Variants in NMNAT3 observed in about 807,000 individuals in gnomAD.
The protein encoded by NMNAT3 is nicotinamide/nicotinic acid mononucleotide adenylyltransferase 3.
Under a neutral mutation model 24.8 loss-of-function variants are expected in NMNAT3, and 21 were observed. That is an observed-to-expected ratio of 0.85 (90% CI 0.60 to 1.22). NMNAT3 has a LOEUF of 1.22. NMNAT3 is among the 50% of genes most tolerant of loss of function. NMNAT3 has a pLI of 0.00. For missense variants in NMNAT3, 387 were observed against 436.6 expected (o/e 0.89, Z 1.01); for synonymous variants, 136 against 155.2 (o/e 0.88, Z 0.92).
At chr3:139,618,168 C>T (rs1358272231) in intron 3 of NMNAT3, among the ~76,000 whole-genome samples, 2 of 152,176 alleles carry the variant, frequency 1.3e-5, no homozygotes, top group Non-Finnish European at 2.9e-5. Flanking sequence ...ATATCTAATT[C>T]CCAAACATTC....
chr3:139,662,547 T>C (rs1338869584), intron 1 of NMNAT3, among the ~76,000 whole-genome samples: 1 of 152,104 alleles, frequency 6.6e-6, no homozygotes, highest in African/African-American at 2.4e-5. Flanking sequence ...AGGCAGAAGC[T>C]CAGGGGTCAA....
intron 3 of NMNAT3, among the ~76,000 whole-genome samples, chr3:139,598,670 C>A (rs1284025424): frequency 1.3e-5 from 2 of 152,048 alleles, no homozygotes; most frequent in African/African-American, 2.4e-5. Flanking sequence ...AATTCCTGAC[C>A]CACTGAATCT....
intron 2 of NMNAT3, among the ~76,000 whole-genome samples, chr3:139,632,486 C>T (rs755896798): frequency 6.6e-6 from 1 of 152,242 alleles, no homozygotes; most frequent in Non-Finnish European, 1.5e-5. Context: ...CAGACAATTC[C>T]TTCCAGATTT....
At chr3:139,664,601 C>G (rs1216331945) in intron 1 of NMNAT3, among the ~76,000 whole-genome samples, 1 of 152,190 alleles carries the variant, frequency 6.6e-6, no homozygotes, top group African/African-American at 2.4e-5. Context: ...GGTGAGATTC[C>G]TAGCACCATC....
chr3:139,563,651 C>T (rs1340698793), intron 6 of NMNAT3, among the ~76,000 whole-genome samples: 7 of 152,276 alleles, frequency 4.6e-5, no homozygotes, highest in Middle Eastern at 6.8e-3. Context: ...TATTTCATGA[C>T]GACAATACCA....
intron 1 of NMNAT3, among the ~76,000 whole-genome samples, chr3:139,659,558 C>A (rs2057349846): frequency 6.6e-6 from 1 of 152,142 alleles, no homozygotes; most frequent in African/African-American, 2.4e-5. Flanking sequence ...GTTTACATAA[C>A]AGAAAAACTG....
At chr3:139,591,129 A>C (rs1034043643) in intron 3 of NMNAT3, among the ~76,000 whole-genome samples, 2 of 151,042 alleles carry the variant, frequency 1.3e-5, no homozygotes, top group African/African-American at 2.4e-5. Flanking sequence ...GCGCGAGCCG[A>C]AGCAGGGCGA....
At chr3:139,646,152 T>A (rs1204668015) in intron 1 of NMNAT3, among the ~76,000 whole-genome samples, 5 of 152,178 alleles carry the variant, frequency 3.3e-5, no homozygotes, top group African/African-American at 1.2e-4. Context: ...CTACTTGAGT[T>A]TTAAAAAACC....
intron 1 of NMNAT3, among the ~76,000 whole-genome samples, chr3:139,670,663 C>G (rs2057728376): frequency 6.6e-6 from 1 of 152,230 alleles, no homozygotes; most frequent in African/African-American, 2.4e-5. Context: ...GCAGTACACA[C>G]ATAATATCCA....
intron 1 of NMNAT3, among the ~76,000 whole-genome samples, chr3:139,667,430 T>C (rs927355067): frequency 1.3e-5 from 2 of 152,248 alleles, no homozygotes; most frequent in African/African-American, 4.8e-5. Flanking sequence ...TTCGGATCAT[T>C]TGCACATTTA....
At chr3:139,636,902 A>G (rs930548829) in intron 2 of NMNAT3, 2 of 152,236 alleles carry the variant, frequency 1.3e-5, no homozygotes, top group African/African-American at 4.8e-5. Context: ...CAGAAAGAAC[A>G]TGAGGGCAAG....
chr3:139,585,175 A>G (rs1427318039), intron 3 of NMNAT3, among the ~76,000 whole-genome samples: 13 of 152,160 alleles, frequency 8.5e-5, no homozygotes, highest in African/African-American at 3.1e-4. Context: ...GTAATTGGCA[A>G]TTGTGGGGTG....
intron 3 of NMNAT3, among the ~76,000 whole-genome samples, chr3:139,598,164 G>A (rs888123484): frequency 1.3e-5 from 2 of 152,314 alleles, no homozygotes; most frequent in East Asian, 3.9e-4. Context: ...AGGCTCACTA[G>A]AGGAGAGAAT....
chr3:139,643,996 A>G (rs1671759912), intron 1 of NMNAT3, among the ~76,000 whole-genome samples: 1 of 152,110 alleles, frequency 6.6e-6, no homozygotes, highest in African/African-American at 2.4e-5. Context: ...TTCTATCAGG[A>G]TTGTCTTGAG....
intron 1 of NMNAT3, among the ~76,000 whole-genome samples, chr3:139,640,279 T>C (rs1233504818): frequency 4.6e-5 from 7 of 152,086 alleles, no homozygotes; most frequent in African/African-American, 7.2e-5. Context: ...AGCAGCCTGA[T>C]TGGGGGAAAA....
At chr3:139,615,468 C>A in intron 3 of NMNAT3, among the ~76,000 whole-genome samples, 1 of 115,958 alleles carries the variant, frequency 8.6e-6, no homozygotes, top group South Asian at 2.5e-4. Context: ...TCTATCCATC[C>A]ACCCACCCAT....
At chr3:139,669,774 T>C (rs910842428) in intron 1 of NMNAT3, among the ~76,000 whole-genome samples, 8 of 152,218 alleles carry the variant, frequency 5.3e-5, no homozygotes, top group African/African-American at 1.9e-4. Flanking sequence ...GATATAATTA[T>C]GGATTAATAC....
intron 3 of NMNAT3, among the ~76,000 whole-genome samples, chr3:139,608,556 A>AT (rs1201295263): frequency 1.3e-4 from 20 of 152,148 alleles, no homozygotes; most frequent in African/African-American, 4.6e-4. Context: ...TTCTTTTTGT[A>AT]TTTTTTTAAC....
At chr3:139,621,005 C>T (rs1227063043) in intron 3 of NMNAT3, among the ~76,000 whole-genome samples, 1 of 152,078 alleles carries the variant, frequency 6.6e-6, no homozygotes, top group Non-Finnish European at 1.5e-5. Context: ...CTATGTCGCC[C>T]AGGTTGGGCT....
Sources: allele counts gnomAD v4.1 joint callset (sites outside exome capture counted in the v4.1 genomes callset), GRCh38; gene constraint gnomAD v4.1.1; transcripts MANE v1.5; gene names NCBI Gene and HGNC (gene_info 2026-07-23, HGNC 2026-07-21).